The following EEF2K variants were observed in gnomAD, a reference collection of about 807,000 sequenced individuals.
EEF2K encodes alternative protein EEF2K.
A neutral mutation model predicts 93.8 loss-of-function variants in EEF2K; 70 were observed. The observed-to-expected ratio is 0.75, with a 90% CI of 0.62 to 0.91. The LOEUF is 0.91. EEF2K is among the 40% of genes least tolerant of loss of function. EEF2K has a pLI of 0.00. For missense variants in EEF2K, 935 were observed against 972.9 expected (o/e 0.96, Z 0.52); for synonymous variants, 376 against 380.8 (o/e 0.99, Z 0.15).
intron 2 of EEF2K, among the ~76,000 whole-genome samples, chr16:22,235,688 G>A (rs1046528772): frequency 6.6e-6 from 1 of 152,134 alleles, no homozygotes; most frequent in Admixed American, 6.6e-5. Context: ...AGTGGAGATG[G>A]GGTTTCTCCA....
In EEF2K at chr16:22,286,735, T is replaced by C. The variant is rs2141694239; in HGVS notation, c.*2739T>C. 6.6e-6 allele frequency: 1 copy of C among 152,370 alleles called. No homozygotes were observed. The highest frequency in any genetic ancestry group is 1.5e-5 in the Non-Finnish European group (1 of 68,056). 9.4% of individuals were successfully genotyped at this position (152,370 alleles called of 1,614,324 possible). ...GGGCAGGAGCTATCCCAATTTTGTG[T>C]TCCCCAGGGCACCAAAACACAGTGC... On this transcript the variant is annotated 3_prime_UTR_variant, in exon 18 of 18. Transcript: ENST00000263026.
chr16:22,257,460 A>G lies in EEF2K; in HGVS notation c.901+75A>G, dbSNP rs1007556541. ...AAACCTCTGAGTTCTTCGTACAGCC[A>G]AGGAAACAGGCTGAGACACTGTACG... On this transcript the variant is annotated intron_variant, in intron 8 of 17. Coordinates refer to ENST00000263026, the MANE Select transcript of EEF2K (RefSeq NM_013302.5). 6.3e-6 allele frequency: 10 copies of G among 1,581,720 alleles called. No homozygotes were observed. The African/African-American group carries it at 9.5e-5, about 15-fold the overall frequency.
Position 22,283,950 on chromosome 16 carries a change from A to G in EEF2K, c.2132A>G (p.Gln711Arg). ...MEAMKGRLAN[Q>R]YYQKAEEAWA... ...GCCATGAAGGGCCGACTGGCCAACC[A>G]GTACTACCAAAAGGCTGAAGAGGCC... is the stretch of plus-strand genomic sequence containing the variant. The change falls in exon 18 of 18, where the codon CAG (glutamine) becomes CGG (arginine). Residue 711 changes from glutamine (Q) to arginine (R), a missense_variant. Transcript: ENST00000263026. 3 of 1,596,070 alleles carry G rather than the reference A, an allele frequency of 1.9e-6. No individual in the cohort carries two copies. The highest frequency in any genetic ancestry group is 2.6e-6 in the Non-Finnish European group (3 of 1,171,366).
chr16:22,256,905 C>T lies in EEF2K; in HGVS notation c.768+8C>T, dbSNP rs755519435. The T allele has an allele frequency of 1.9e-5, 30 of 1,613,164 alleles. No individual in the cohort carries two copies. Among genetic ancestry groups the T allele is most frequent in the East Asian group, 8.9e-5 (4 of 44,894 alleles). ...ATCCGCCTGACGCCGCAGGTGAGGC[C>T]GAGCTCACCTCCACCCTCTGCCCAC... is the stretch of plus-strand genomic sequence containing the variant. On this transcript the variant is annotated splice_region_variant and intron_variant, in intron 7 of 17. Coordinates refer to ENST00000263026, the MANE Select transcript of EEF2K (RefSeq NM_013302.5).
At chr16:22,248,837 G>A (rs746765471) in intron 4 of EEF2K, 22 bp downstream of exon 4, 34 of 1,613,126 alleles carry the variant, frequency 2.1e-5, no homozygotes, top group East Asian at 1.1e-4. Context: ...GTTGAGCCCC[G>A]TGGGGACAGG....
chr16:22,258,361 A>G (rs537818479), intron 9 of EEF2K, 133 bp from the exon 10 acceptor site: 5 of 903,752 alleles, frequency 5.5e-6, no homozygotes, highest in East Asian at 2.5e-5. Flanking sequence ...TTAAGACAAT[A>G]TATCAGCTCC....
intron 1 of EEF2K, among the ~76,000 whole-genome samples, chr16:22,209,557 A>T (rs969894020): frequency 9.8e-5 from 15 of 152,330 alleles, no homozygotes; most frequent in Admixed American, 9.8e-4. Flanking sequence ...AGGGCTATAG[A>T]CAAAGTAATA....
In EEF2K at chr16:22,282,729, GA is replaced by G. The variant is rs568801633; in HGVS notation, c.2069-1156del. On this transcript the variant is annotated intron_variant, in intron 17 of 17. Coordinates refer to ENST00000263026, the MANE Select transcript of EEF2K (RefSeq NM_013302.5). ...ATGCTCTTGGACTTGCCGGGCTCTA[GA>G]ACTGTGAGCCAAATAAATTTCTTTT... Among the ~76,000 whole-genome samples the G allele has an allele frequency of 3.5e-3, 527 of 152,342 alleles. 4 individuals carry two copies. Among genetic ancestry groups the G allele is most frequent in the African/African-American group, 0.012 (504 of 41,570 alleles).
chr16:22,242,591 C>T (rs940756300), intron 2 of EEF2K, among the ~76,000 whole-genome samples: 2 of 151,814 alleles, frequency 1.3e-5, no homozygotes, highest in East Asian at 1.9e-4. Context: ...GGATTACAGG[C>T]GTGAGCCACC....
At chr16:22,243,552 C>T (rs1360905609) in intron 2 of EEF2K, among the ~76,000 whole-genome samples, 1 of 151,866 alleles carries the variant, frequency 6.6e-6, no homozygotes, top group Non-Finnish European at 1.5e-5. Flanking sequence ...GCACCCAGCC[C>T]AGCCTAGAAA....
intron 2 of EEF2K, among the ~76,000 whole-genome samples, chr16:22,234,876 G>GTTTT (rs2047151504): frequency 1.2e-5 from 1 of 85,386 alleles, no homozygotes; most frequent in African/African-American, 4.9e-5. Context: ...GTTTTTTGTT[G>GTTTT]CTTTTTTTTT....
intron 2 of EEF2K, among the ~76,000 whole-genome samples, chr16:22,238,759 G>A (rs983871894): frequency 1.3e-5 from 2 of 151,852 alleles, no homozygotes; most frequent in South Asian, 2.1e-4. Flanking sequence ...GTCAGAAGTC[G>A]GTGCAGAAGA....
Position 22,247,749 on chromosome 16 carries a change from G to A in EEF2K, c.348-1006G>A, listed in dbSNP as rs377455647. Among the ~76,000 whole-genome samples, 5 of 152,130 alleles carry A rather than the reference G, an allele frequency of 3.3e-5. No individual in the cohort carries two copies. In the East Asian group the frequency reaches 9.6e-4, roughly 29 times the overall value. ...TTGAGTCTTCATTCTGAAGGCTTCC[G>A]TGTCACATAAAACTGGTTGTCCATG... On this transcript the variant is annotated intron_variant, in intron 3 of 17. Coordinates refer to ENST00000263026, the MANE Select transcript of EEF2K (RefSeq NM_013302.5).
chr16:22,278,473 A>G (rs2047661592), intron 16 of EEF2K, among the ~76,000 whole-genome samples: 1 of 152,148 alleles, frequency 6.6e-6, no homozygotes, highest in Non-Finnish European at 1.5e-5. Flanking sequence ...CAGCGGGTGC[A>G]AGGGCCACAG....
intron 16 of EEF2K, among the ~76,000 whole-genome samples, chr16:22,279,158 C>T (rs12918326): frequency 6.6e-6 from 1 of 151,824 alleles, no homozygotes; most frequent in African/African-American, 2.4e-5. Context: ...GGTGTCCTAG[C>T]TAAGCTGCCC....
chr16:22,257,333 T>A lies in EEF2K; in HGVS notation c.849T>A (p.Thr283=). ...VDIQGVGDLY[T]DPQIHTETGT... Reference sequence around the variant, plus strand: ...TCCAGGGAGTTGGGGATCTCTACACTGACCCACAGATCCACACGGAGACGG... The same window carrying A: ...TCCAGGGAGTTGGGGATCTCTACACAGACCCACAGATCCACACGGAGACGG... Residue 283 remains threonine (T), a synonymous_variant, in exon 8 of 18, where the codon ACT becomes ACA. Coordinates refer to ENST00000263026, the MANE Select transcript of EEF2K (RefSeq NM_013302.5). 4 of 1,611,786 alleles carry A rather than the reference T, an allele frequency of 2.5e-6. No homozygotes were observed. The highest frequency in any genetic ancestry group is 3.4e-6 in the Non-Finnish European group (4 of 1,179,182).
rs187968648 is a variant in EEF2K at position 22,258,610 on chromosome 16, C to A, written c.1146C>A (p.Asp382Glu). Reference protein sequence around the residue: ...LLRPLSENSGDENMSDVTFDS... With the variant: ...LLRPLSENSGEENMSDVTFDS... ...GTCCCCTTTCAGAGAACTCTGGAGA[C>A]GAGAACATGAGCGACGTGACCTTCG... Residue 382 changes from aspartate (D) to glutamate (E), a missense_variant, in exon 10 of 18, where the codon GAC (aspartate) becomes GAA (glutamate). By Grantham distance (45) the Asp-to-Glu change is conservative. Coordinates refer to ENST00000263026, the MANE Select transcript of EEF2K (RefSeq NM_013302.5). 1 of 1,614,138 alleles carries A rather than the reference C, an allele frequency of 6.2e-7. No individual in the cohort carries two copies. Among genetic ancestry groups the A allele is most frequent in the Non-Finnish European group, 8.5e-7 (1 of 1,180,024 alleles).
In EEF2K at chr16:22,225,932, G is replaced by A. The variant is rs1226774412; in HGVS notation, c.203G>A (p.Arg68Gln). 2 of 1,614,118 alleles carry A rather than the reference G, an allele frequency of 1.2e-6. No homozygotes were observed. The highest frequency in any genetic ancestry group is 1.3e-5 in the African/African-American group (1 of 75,044). The change falls in exon 2 of 18, where the codon CGG becomes CAG. Residue 68 changes from arginine (R) to glutamine (Q), a missense_variant. Coordinates refer to ENST00000263026, the MANE Select transcript of EEF2K (RefSeq NM_013302.5). Reference protein sequence around the residue: ...KYYSNLTKSERYSSSGSPANS... With the variant: ...KYYSNLTKSEQYSSSGSPANS... ...TACAGCAACCTAACAAAAAGTGAGC[G>A]GTATAGCTCCAGCGGGTCCCCGGCA...
At chr16:22,240,718 G>A (rs181508429) in intron 2 of EEF2K, among the ~76,000 whole-genome samples, 3 of 152,248 alleles carry the variant, frequency 2.0e-5, no homozygotes, top group Admixed American at 2.0e-4. Flanking sequence ...AGAAAAGTCA[G>A]ATGCACAACA....
Sources: gnomAD v4.1 joint callset for allele counts (sites outside exome capture counted in the v4.1 genomes callset) on GRCh38, gnomAD v4.1.1 for gene constraint, MANE v1.5 for transcripts, NCBI Gene and HGNC (gene_info 2026-07-23, HGNC 2026-07-21) for gene names.